Variants in SLC2A9 observed in about 807,000 individuals in gnomAD.
The protein encoded by SLC2A9 is solute carrier family 2 member 9, also known as solute carrier family 2, facilitated glucose transporter member 9.
A neutral mutation model predicts 50.6 loss-of-function variants in SLC2A9; 39 were observed. That is an observed-to-expected ratio of 0.77 (90% confidence interval 0.60 to 1.01). The LOEUF (loss-of-function observed/expected upper bound fraction) is 1.01, where lower values mean the gene tolerates loss of function less well. Among genes scored for constraint, SLC2A9 ranks in the 50% least tolerant of loss-of-function variants. The pLI is 0.00. For missense variants in SLC2A9, 686 were observed against 677.6 expected (o/e 1.01, Z -0.14); for synonymous variants, 324 against 276.9 (o/e 1.17, Z -1.69).
At position 9,840,521 on chromosome 4, in the gene SLC2A9, G is replaced by T. The variant is rs911356176; in HGVS notation, c.1292-5513C>A. ...CATGTAAAATAATTTTTTAAAGCATGCAACATGACAAAGTATAAAAAGGAA... is the reference window on the plus strand; with the variant it reads ...CATGTAAAATAATTTTTTAAAGCATTCAACATGACAAAGTATAAAAAGGAA... On this transcript the variant is annotated intron_variant, in intron 10 of 11. Coordinates refer to ENST00000264784, the MANE Select transcript of SLC2A9 (RefSeq NM_020041.3). 5.3e-5 allele frequency among the ~76,000 whole-genome samples: 8 copies of T among 152,172 alleles called. No homozygotes were observed. In the South Asian group the frequency reaches 8.3e-4, roughly 16 times the overall value.
At chr4:9,805,834 C>T (rs1722049562) in intron 3 of SLC2A9, among the ~76,000 whole-genome samples, 1 of 152,120 alleles carries the variant, frequency 6.6e-6, no homozygotes, top group South Asian at 2.1e-4. Context: ...GTGCTGGGCA[C>T]TGTTCTAGGG....
chr4:9,970,918 T>C (rs887812001), intron 5 of SLC2A9, among the ~76,000 whole-genome samples: 3 of 152,182 alleles, frequency 2.0e-5, no homozygotes, highest in African/African-American at 7.2e-5. Flanking sequence ...CCAGACATTA[T>C]ATAGAAGGAC....
chr4:9,916,423 T>C (rs1742857458), intron 7 of SLC2A9, among the ~76,000 whole-genome samples: 2 of 152,208 alleles, frequency 1.3e-5, no homozygotes, highest in Admixed American at 6.5e-5. Flanking sequence ...GGTGTCTTGT[T>C]TCCCAACCAA....
chr4:10,026,072 G>A (rs1763742102), upstream of SLC2A9: 1 of 1,192,966 alleles, frequency 8.4e-7, no homozygotes, highest in Admixed American at 1.7e-5. Context: ...GTCAGGGGAG[G>A]TGGCCTGGAG....
chr4:9,849,023 G>A (rs1729452622), intron 10 of SLC2A9, among the ~76,000 whole-genome samples: 1 of 152,212 alleles, frequency 6.6e-6, no homozygotes, highest in Admixed American at 6.5e-5. Flanking sequence ...ATGCAGTTGA[G>A]GAGATGGAGG....
intron 10 of SLC2A9, among the ~76,000 whole-genome samples, chr4:9,877,267 G>A (rs1225924657): frequency 2.0e-5 from 3 of 152,168 alleles, no homozygotes; most frequent in Admixed American, 1.3e-4. Flanking sequence ...GAATGTGCCC[G>A]TACCTGCCTA....
At chr4:9,850,540 A>G (rs1044375039) in intron 10 of SLC2A9, among the ~76,000 whole-genome samples, 1 of 152,138 alleles carries the variant, frequency 6.6e-6, no homozygotes, top group African/African-American at 2.4e-5. Flanking sequence ...GCAGTATCAG[A>G]TGCCCAACCA....
intron 1 of SLC2A9, 90 bp from the exon 2 acceptor site, chr4:10,019,163 G>C: frequency 9.6e-7 from 1 of 1,040,630 alleles, no homozygotes; most frequent in Non-Finnish European, 1.5e-6. Context: ...GCTGGGGGAG[G>C]CCTTCCGGAG....
At chr4:9,788,058 C>T (rs1560117660) in intron 3 of SLC2A9, among the ~76,000 whole-genome samples, 1 of 152,122 alleles carries the variant, frequency 6.6e-6, no homozygotes, top group Non-Finnish European at 1.5e-5. Context: ...TCAGTTATTA[C>T]TGTGGTTGTC....
At chr4:9,956,231 C>G (rs1370483083) in intron 5 of SLC2A9, among the ~76,000 whole-genome samples, 1 of 151,726 alleles carries the variant, frequency 6.6e-6, no homozygotes, top group Non-Finnish European at 1.5e-5. Flanking sequence ...CGCCTGTAAT[C>G]CCAGCACTTT....
intron 3 of SLC2A9, among the ~76,000 whole-genome samples, chr4:9,792,343 G>GTTTT (rs58801443): frequency 7.6e-6 from 1 of 131,176 alleles, no homozygotes; most frequent in Non-Finnish European, 1.7e-5. Context: ...CACCTGGATA[G>GTTTT]TTTTTTTTTT....
intron 6 of SLC2A9, among the ~76,000 whole-genome samples, chr4:9,934,860 A>C (rs1180421024): frequency 6.6e-6 from 1 of 151,974 alleles, no homozygotes; most frequent in Non-Finnish European, 1.5e-5. Flanking sequence ...CCCTGTGTCC[A>C]TATGTTCTCA....
At chr4:10,031,134 G>A (rs1172936543) in intron 1 of SLC2A9, among the ~76,000 whole-genome samples, 1 of 152,200 alleles carries the variant, frequency 6.6e-6, no homozygotes, top group African/African-American at 2.4e-5. Flanking sequence ...CAGGGACCAG[G>A]AATGCTCAGA....
intron 10 of SLC2A9, among the ~76,000 whole-genome samples, chr4:9,867,673 G>A (rs1408973647): frequency 6.6e-6 from 1 of 152,184 alleles, no homozygotes; most frequent in African/African-American, 2.4e-5. Context: ...ACCCAAGCCT[G>A]GGAAGAGGGA....
chr4:10,040,061 T>G (rs998679487), intron 1 of SLC2A9: 1 of 152,434 alleles, frequency 6.6e-6, no homozygotes, highest in African/African-American at 2.4e-5. Flanking sequence ...GTCGTTGCCT[T>G]GGCATTCAAC....
chr4:10,021,572 G>C (rs1763508279), upstream of SLC2A9: 1 of 1,212,618 alleles, frequency 8.2e-7, no homozygotes, highest in Non-Finnish European at 1.2e-6. Context: ...TGCCTGAACA[G>C]GCAACGGGGC....
upstream of SLC2A9, among the ~76,000 whole-genome samples, chr4:10,022,328 G>A (rs1237308678): frequency 6.6e-6 from 1 of 152,242 alleles, no homozygotes; most frequent in Non-Finnish European, 1.5e-5. Context: ...CTGTAGCCTA[G>A]AACAAAGGCG....
intron 7 of SLC2A9, among the ~76,000 whole-genome samples, chr4:9,918,871 G>A (rs544589068): frequency 1.3e-5 from 2 of 152,244 alleles, no homozygotes; most frequent in Non-Finnish European, 2.9e-5. Flanking sequence ...ACATGGGAGG[G>A]CAGAACACTC....
At chr4:9,783,058 C>T (rs1490061045) in intron 3 of SLC2A9, 12 of 1,614,104 alleles carry the variant, frequency 7.4e-6, no homozygotes, top group Non-Finnish European at 1.0e-5. Context: ...CCTTCGACGT[C>T]TTCGTCTGGT....
Sources: allele counts gnomAD v4.1 joint callset (sites outside exome capture counted in the v4.1 genomes callset), GRCh38; gene constraint gnomAD v4.1.1; transcripts MANE v1.5; gene names NCBI Gene and HGNC (gene_info 2026-07-23, HGNC 2026-07-21).